NDST3: variants seen among roughly 807,000 people sequenced by gnomAD.
The protein encoded by NDST3 is bifunctional heparan sulfate N-deacetylase/N-sulfotransferase 3.
A neutral mutation model predicts 96.1 loss-of-function variants in NDST3; 58 were observed. That is an observed-to-expected ratio of 0.60 (90% confidence interval 0.49 to 0.75). The LOEUF (loss-of-function observed/expected upper bound fraction) is 0.75, where lower values mean the gene tolerates loss of function less well. Ranked by LOEUF, NDST3 falls within the 30% of genes least tolerant of loss-of-function variation. The pLI is 0.00. For synonymous variants in NDST3, 333 were observed against 359.7 expected (o/e 0.93, Z 0.84); for missense variants, 788 against 1,034.2 (o/e 0.76, Z 3.27).
chr4:118,143,777 C>G (rs1733741605), intron 6 of NDST3, 93 bp downstream of exon 6: 1 of 1,346,164 alleles, frequency 7.4e-7, no homozygotes, highest in East Asian at 2.6e-5. Flanking sequence ...CAGTCATCAG[C>G]CAAGCCAATA....
intron 2 of NDST3, among the ~76,000 whole-genome samples, chr4:118,075,298 T>C (rs1228106337): frequency 6.6e-6 from 1 of 152,204 alleles, no homozygotes; most frequent in Admixed American, 6.5e-5. Flanking sequence ...CAGTCTATCA[T>C]TGTTGGACAT....
intron 6 of NDST3, among the ~76,000 whole-genome samples, chr4:118,171,652 T>C (rs1735959157): frequency 6.6e-6 from 1 of 152,174 alleles, no homozygotes; most frequent in African/African-American, 2.4e-5. Flanking sequence ...TTTATTTGCA[T>C]ATGAGTGTAT....
At chr4:118,233,304 A>T (rs532593658) in intron 9 of NDST3, among the ~76,000 whole-genome samples, 169 bp downstream of exon 9, 1 of 152,158 alleles carries the variant, frequency 6.6e-6, no homozygotes, top group East Asian at 1.9e-4. Flanking sequence ...TTCAGAACAA[A>T]CTCTTCTCAG....
At chr4:118,192,303 G>T (rs1459941207) in intron 6 of NDST3, among the ~76,000 whole-genome samples, 2 of 152,022 alleles carry the variant, frequency 1.3e-5, no homozygotes, top group African/African-American at 2.4e-5. Flanking sequence ...GATCCCATTT[G>T]TCTATTTTTG....
intron 11 of NDST3, 93 bp downstream of exon 11, chr4:118,240,787 T>C: frequency 1.6e-6 from 2 of 1,217,102 alleles, no homozygotes; most frequent in South Asian, 1.7e-5. Flanking sequence ...GTTAAACTAT[T>C]ACTAGTTTTT....
intron 2 of NDST3, among the ~76,000 whole-genome samples, chr4:118,085,181 T>G (rs1728325529): frequency 6.6e-6 from 1 of 152,052 alleles, no homozygotes; most frequent in African/African-American, 2.4e-5. Flanking sequence ...ATCTTAACAT[T>G]AGAATCAAGT....
In NDST3 at chr4:118,258,406, A is replaced by C. The variant is rs1742239564; in HGVS notation, c.*2694A>C. ...ATGAGAGATAATCTGATTTAAAACT[A>C]GCTTTGTATAGAATTCCCTTTTTCA... On this transcript the variant is annotated 3_prime_UTR_variant, in exon 14 of 14. Coordinates refer to ENST00000296499, the MANE Select transcript of NDST3 (RefSeq NM_004784.3). 6.6e-6 allele frequency: 1 copy of C among 152,238 alleles called. No individual in the cohort carries two copies. The highest frequency in any genetic ancestry group is 1.5e-5 in the Non-Finnish European group (1 of 68,034). 9.4% of individuals were successfully genotyped at this position (152,238 alleles called of 1,614,324 possible). A position where few individuals can be genotyped will look rare whatever the true frequency, so the allele number is the denominator to read the frequency against.
rs560018932 is a variant in NDST3, at chr4:118,132,151, C to T, written c.1225-5903C>T. On this transcript the variant is annotated intron_variant, in intron 4 of 13. Transcript: ENST00000296499. ...CAAGTTTGTGTCCTTCCCTTCAGAG[C>T]GGCAAGTTCCTCCAGGCCCCAGGCA... Among the ~76,000 whole-genome samples, 34 of 152,254 alleles carry T rather than the reference C, an allele frequency of 2.2e-4. 1 individual carries two copies. The highest frequency in any genetic ancestry group is 5.9e-4 in the Admixed American group (9 of 15,306).
intron 4 of NDST3, among the ~76,000 whole-genome samples, chr4:118,124,718 A>G (rs1731898058): frequency 6.6e-6 from 1 of 152,142 alleles, no homozygotes; most frequent in Non-Finnish European, 1.5e-5. Context: ...TGTATACTAA[A>G]TTAAACACCA....
chr4:118,084,933 A>T (rs1728300972), intron 2 of NDST3, among the ~76,000 whole-genome samples: 1 of 152,146 alleles, frequency 6.6e-6, no homozygotes, highest in Non-Finnish European at 1.5e-5. Flanking sequence ...ATCCTGGCTA[A>T]CATGGTGAAA....
chr4:118,066,376 C>T (rs375142411), intron 2 of NDST3, among the ~76,000 whole-genome samples: 4 of 8,170 alleles, frequency 4.9e-4, no homozygotes, highest in Non-Finnish European at 9.6e-4. Flanking sequence ...TATTATATAT[C>T]ATATATCATA....
intron 6 of NDST3, among the ~76,000 whole-genome samples, chr4:118,166,630 C>T (rs542282649): frequency 1.3e-5 from 2 of 151,930 alleles, no homozygotes; most frequent in South Asian, 4.2e-4. Flanking sequence ...TCTTGATGAA[C>T]ATAGATACAA....
chr4:118,093,278 A>G (rs1164505905), intron 2 of NDST3, among the ~76,000 whole-genome samples: 2 of 151,856 alleles, frequency 1.3e-5, no homozygotes, highest in Non-Finnish European at 2.9e-5. Context: ...CCCAGATATT[A>G]TCTCCTTTTC....
In NDST3 at chr4:118,256,206, G is replaced by C. The variant is rs1254172704; in HGVS notation, c.*494G>C. 3 of 152,050 alleles carry C rather than the reference G, an allele frequency of 2.0e-5. No individual in the cohort carries two copies. The highest frequency in any genetic ancestry group is 4.4e-5 in the Non-Finnish European group (3 of 68,022). 9.4% of individuals were successfully genotyped at this position (152,050 alleles called of 1,614,324 possible). A position where few individuals can be genotyped will look rare whatever the true frequency, so the allele number is the denominator to read the frequency against. On this transcript the variant is annotated 3_prime_UTR_variant, in exon 14 of 14. Coordinates refer to ENST00000296499, the MANE Select transcript of NDST3 (RefSeq NM_004784.3). ...AGCATAACACCCATGAAAAATGCTT[G>C]CCAAAATTTAAATCCACTTAAGTAT...
intron 2 of NDST3, among the ~76,000 whole-genome samples, chr4:118,074,148 A>T (rs1295759642): frequency 6.6e-6 from 1 of 152,086 alleles, no homozygotes; most frequent in Non-Finnish European, 1.5e-5. Context: ...TTTGGTTGGT[A>T]TGATTTCAGT....
chr4:118,163,465 A>G (rs1361353651), intron 6 of NDST3, among the ~76,000 whole-genome samples: 3 of 152,042 alleles, frequency 2.0e-5, no homozygotes, highest in African/African-American at 7.2e-5. Context: ...CATGGATGAA[A>G]TTGGAAATCA....
Position 118,054,897 on chromosome 4 carries a change from G to T in NDST3, c.981+6G>T. The T allele has an allele frequency of 6.2e-7, 1 of 1,607,008 alleles. No individual in the cohort carries two copies. The highest frequency in any genetic ancestry group is 8.5e-7 in the Non-Finnish European group (1 of 1,178,826). ...TGAACACCAATGATGTAAAGGTAAG[G>T]CTCTATTTTCTCAAGTTTCAAAGTT... On this transcript the variant is annotated splice_donor_region_variant and intron_variant, in intron 2 of 13. Transcript: ENST00000296499.
chr4:118,160,214 T>G (rs945043554), intron 6 of NDST3, among the ~76,000 whole-genome samples: 1 of 152,080 alleles, frequency 6.6e-6, no homozygotes, highest in Non-Finnish European at 1.5e-5. Context: ...TGAGGAGATA[T>G]CTAGCAGAAA....
intron 1 of NDST3, 53 bp from the exon 2 acceptor site, chr4:118,053,703 T>C: frequency 2.0e-6 from 1 of 501,616 alleles, no homozygotes; most frequent in Non-Finnish European, 3.4e-6. Flanking sequence ...GATAAAAACT[T>C]GCTTATTTTA....
Sources: allele counts gnomAD v4.1 joint callset (sites outside exome capture counted in the v4.1 genomes callset), GRCh38; gene constraint gnomAD v4.1.1; transcripts MANE v1.5; gene names NCBI Gene and HGNC (gene_info 2026-07-23, HGNC 2026-07-21).